The following PTPRG variants were observed in gnomAD, a reference collection of about 807,000 sequenced individuals.
The protein encoded by PTPRG is protein tyrosine phosphatase receptor type G, also known as receptor-type tyrosine-protein phosphatase gamma.
Under a neutral mutation model 165.3 loss-of-function variants are expected in PTPRG, and 102 were observed. The ratio of observed to expected loss-of-function variants is 0.62; its 90% confidence interval spans 0.53 to 0.73. The LOEUF (loss-of-function observed/expected upper bound fraction) is 0.73. Among genes scored for constraint, PTPRG ranks in the 30% least tolerant of loss-of-function variants. The pLI is 0.00. For synonymous variants in PTPRG, 675 were observed against 669.5 expected (o/e 1.01, Z -0.13); for missense variants, 1,866 against 1,861.4 (o/e 1.00, Z -0.05).
intron 2 of PTPRG, among the ~76,000 whole-genome samples, chr3:61,914,164 A>G (rs887269470): frequency 1.3e-5 from 2 of 152,192 alleles, no homozygotes; most frequent in Non-Finnish European, 2.9e-5. Context: ...GGTCAACATT[A>G]AAGATTCCAC....
intron 2 of PTPRG, among the ~76,000 whole-genome samples, chr3:61,842,523 C>T (rs1483403451): frequency 6.6e-6 from 1 of 152,078 alleles, no homozygotes; most frequent in Non-Finnish European, 1.5e-5. Context: ...ATATTGAAGG[C>T]CCACATTAAA....
intron 1 of PTPRG, 21 bp downstream of exon 1, chr3:61,562,393 G>A (rs1489590599): frequency 6.2e-7 from 1 of 1,610,944 alleles, no homozygotes; most frequent in Non-Finnish European, 8.5e-7. Context: ...GCCGCCGAGG[G>A]GATGCGGCCC....
At chr3:61,841,190 G>A (rs927257005) in intron 2 of PTPRG, among the ~76,000 whole-genome samples, 1 of 152,106 alleles carries the variant, frequency 6.6e-6, no homozygotes. Context: ...AGAAGTTTAC[G>A]CCAAAAATGT....
In PTPRG at chr3:62,211,831, C is replaced by T. The variant is rs79128646; in HGVS notation, c.2156-7020C>T. 4.1e-3 allele frequency among the ~76,000 whole-genome samples: 627 copies of T among 152,118 alleles called. 4 individuals are homozygous for T. Among genetic ancestry groups the T allele is most frequent in the African/African-American group, 0.013 (545 of 41,494 alleles). ...ATGGGTCCATCTGATGTATTGCTGC[C>T]GGTAGCATTTATAGTACATTGTACT... On this transcript the variant is annotated intron_variant, in intron 12 of 29. Coordinates refer to ENST00000474889, the MANE Select transcript of PTPRG (RefSeq NM_002841.4).
At chr3:61,687,969 C>T (rs1296414289) in intron 1 of PTPRG, among the ~76,000 whole-genome samples, 2 of 152,156 alleles carry the variant, frequency 1.3e-5, no homozygotes, top group African/African-American at 2.4e-5. Context: ...AAAGGAATCG[C>T]GTACCCAGCT....
At chr3:61,762,104 T>C (rs1328198671) in intron 2 of PTPRG, among the ~76,000 whole-genome samples, 2 of 152,226 alleles carry the variant, frequency 1.3e-5, no homozygotes, top group Non-Finnish European at 2.9e-5. Flanking sequence ...TGGGGCTCAC[T>C]GTGATAATGG....
chr3:61,902,994 G>A (rs1202041766), intron 2 of PTPRG, among the ~76,000 whole-genome samples: 2 of 152,096 alleles, frequency 1.3e-5, no homozygotes, highest in African/African-American at 2.4e-5. Flanking sequence ...GGGGTTGAAT[G>A]TGTGTGCCAG....
At chr3:61,949,043 GAA>G (rs57167995) in intron 2 of PTPRG, among the ~76,000 whole-genome samples, 6 of 128,626 alleles carry the variant, frequency 4.7e-5, no homozygotes, top group Admixed American at 7.9e-5. Context: ...GACAAGCCAA[GAA>G]AAAAAAAAAA....
chr3:61,566,633 G>C (rs530590017), intron 1 of PTPRG, among the ~76,000 whole-genome samples: 9 of 152,250 alleles, frequency 5.9e-5, no homozygotes, highest in African/African-American at 2.2e-4. Flanking sequence ...TCAGCCTCCT[G>C]AGTAGCTGAG....
intron 2 of PTPRG, among the ~76,000 whole-genome samples, chr3:61,887,170 A>ATATATTTTT (rs60282456): frequency 8.7e-6 from 1 of 115,524 alleles, no homozygotes; most frequent in East Asian, 3.3e-4. Context: ...ATATATATAT[A>ATATATTTTT]TTTTTAATGC....
intron 2 of PTPRG, among the ~76,000 whole-genome samples, chr3:61,867,268 A>G (rs1021091090): frequency 3.9e-5 from 6 of 152,150 alleles, no homozygotes; most frequent in African/African-American, 1.2e-4. Flanking sequence ...ATGTGGAGCC[A>G]TACCAGCAGC....
In PTPRG at chr3:61,813,346, AT is replaced by A. The variant is rs370429531; in HGVS notation, c.190+64365del. Among the ~76,000 whole-genome samples, 263 of 141,918 alleles carry A rather than the reference AT, an allele frequency of 1.9e-3. 4 individuals carry two copies. Among genetic ancestry groups the A allele is most frequent in the African/African-American group, 6.1e-3 (229 of 37,264 alleles). 93.1% of individuals were successfully genotyped at this position (141,918 alleles called of 152,430 possible). A position where few individuals can be genotyped will look rare whatever the true frequency, so the allele number is the denominator to read the frequency against. Reference sequence around the variant, plus strand: ...GATTACTAAAAAAAAAAAAAAAAAAATAGAAAAAAAATAGAAAAATTAGTTG... The same window carrying A: ...GATTACTAAAAAAAAAAAAAAAAAAAAGAAAAAAAATAGAAAAATTAGTTG... On this transcript the variant is annotated intron_variant, in intron 2 of 29. Transcript: ENST00000474889.
chr3:61,655,568 A>G (rs373970197), intron 1 of PTPRG, among the ~76,000 whole-genome samples: 26 of 152,218 alleles, frequency 1.7e-4, no homozygotes, highest in African/African-American at 5.8e-4. Context: ...AGTTACTTGT[A>G]CTAATGGGTG....
chr3:61,839,256 A>C (rs2036553492), intron 2 of PTPRG, among the ~76,000 whole-genome samples: 1 of 152,200 alleles, frequency 6.6e-6, no homozygotes, highest in African/African-American at 2.4e-5. Flanking sequence ...TCTTAAGTTG[A>C]TTACACCTGA....
In PTPRG at chr3:61,991,425, C is replaced by T. The variant is rs535895796; in HGVS notation, c.370+1621C>T. 2.6e-5 allele frequency among the ~76,000 whole-genome samples: 4 copies of T among 152,282 alleles called. No homozygotes were observed. In the South Asian group the frequency reaches 6.2e-4, roughly 24 times the overall value. On this transcript the variant is annotated intron_variant, in intron 3 of 29. Transcript: ENST00000474889. Reference sequence around the variant, plus strand: ...TTTGCCATGTTGGCCTGACTGGTCTCGAACTCCTGACCTCAGGTGATCTCC... The same window carrying T: ...TTTGCCATGTTGGCCTGACTGGTCTTGAACTCCTGACCTCAGGTGATCTCC...
At chr3:61,608,741 G>A (rs1297773969) in intron 1 of PTPRG, among the ~76,000 whole-genome samples, 1 of 152,200 alleles carries the variant, frequency 6.6e-6, no homozygotes, top group Non-Finnish European at 1.5e-5. Context: ...CTAGGAGAGG[G>A]ACCTCAGTCC....
At chr3:61,718,987 C>A (rs1215360497) in intron 1 of PTPRG, among the ~76,000 whole-genome samples, 1 of 152,178 alleles carries the variant, frequency 6.6e-6, no homozygotes, top group African/African-American at 2.4e-5. Flanking sequence ...TTGTCCCCAA[C>A]AATCCATCAA....
chr3:61,852,874 G>T lies in PTPRG; in HGVS notation c.190+103892G>T, dbSNP rs548143260. Among the ~76,000 whole-genome samples the T allele has an allele frequency of 2.9e-3, 443 of 152,336 alleles. 1 individual carries two copies. The highest frequency in any genetic ancestry group is 5.1e-3 in the Non-Finnish European group (349 of 68,022). ...CTCAGTAACGCGTATGGACATACAT[G>T]CATGGACTTGCAAAGGTCCTAAAAG... On this transcript the variant is annotated intron_variant, in intron 2 of 29. Transcript: ENST00000474889.
chr3:61,947,108 G>A (rs1179703951), intron 2 of PTPRG, among the ~76,000 whole-genome samples: 2 of 152,110 alleles, frequency 1.3e-5, no homozygotes, highest in Non-Finnish European at 2.9e-5. Context: ...GGGTGGCAGC[G>A]TTTTCATTAG....
Sources: allele counts gnomAD v4.1 joint callset (sites outside exome capture counted in the v4.1 genomes callset), GRCh38; gene constraint gnomAD v4.1.1; transcripts MANE v1.5; gene names NCBI Gene and HGNC (gene_info 2026-07-23, HGNC 2026-07-21).